Variants in PPCDC observed in about 807,000 individuals in gnomAD.
PPCDC encodes phosphopantothenoylcysteine decarboxylase.
A neutral mutation model predicts 20.7 loss-of-function variants in PPCDC; 20 were observed. That is an observed-to-expected ratio of 0.97 (90% CI 0.68 to 1.41). PPCDC has a LOEUF of 1.41. PPCDC is among the 40% of genes most tolerant of loss of function. The pLI is 0.00. For synonymous variants in PPCDC, 88 were observed against 100.3 expected, an observed-to-expected ratio of 0.88 and a Z score of 0.73; for missense variants, 246 against 263.8, an observed-to-expected ratio of 0.93 and a Z score of 0.47.
intron 2 of PPCDC, among the ~76,000 whole-genome samples, chr15:75,030,716 G>A (rs1217427879): frequency 6.6e-6 from 1 of 152,144 alleles, no homozygotes; most frequent in Non-Finnish European, 1.5e-5. Flanking sequence ...CTGAGTCGTG[G>A]GTTCAGGTGC....
At chr15:75,029,380 G>T (rs1212127503) in intron 2 of PPCDC, among the ~76,000 whole-genome samples, 1 of 152,182 alleles carries the variant, frequency 6.6e-6, no homozygotes, top group African/African-American at 2.4e-5. Context: ...TTGTGAAGTT[G>T]CTGGGCCCCA....
At chr15:75,032,952 T>A (rs2141480590) in intron 2 of PPCDC, among the ~76,000 whole-genome samples, 1 of 152,096 alleles carries the variant, frequency 6.6e-6, no homozygotes, top group East Asian at 1.9e-4. Context: ...AGGCGTGCCA[T>A]CACACTCTGC....
chr15:75,041,166 G>A (rs1383258877), intron 2 of PPCDC, among the ~76,000 whole-genome samples: 1 of 152,182 alleles, frequency 6.6e-6, no homozygotes, highest in African/African-American at 2.4e-5. Context: ...CTTCAGCATG[G>A]CCCCGCCCTG....
chr15:75,025,288 A>G (rs182434594), intron 1 of PPCDC, among the ~76,000 whole-genome samples: 2 of 152,230 alleles, frequency 1.3e-5, no homozygotes, highest in South Asian at 2.1e-4. Flanking sequence ...ATCCCTGCCT[A>G]CCCACCACCC....
chr15:75,024,910 C>CT (rs71140130), intron 1 of PPCDC, among the ~76,000 whole-genome samples: 15,398 of 147,460 alleles, frequency 0.1, 1,449 homozygotes, highest in East Asian at 0.45. Flanking sequence ...TAGCTACACA[C>CT]TTTTTTTTTT....
At chr15:75,037,858 C>T (rs1480079051) in intron 2 of PPCDC, among the ~76,000 whole-genome samples, 1 of 152,112 alleles carries the variant, frequency 6.6e-6, no homozygotes, top group Non-Finnish European at 1.5e-5. Context: ...GGTGATTCAT[C>T]TCCTGTCCTG....
intron 2 of PPCDC, among the ~76,000 whole-genome samples, chr15:75,040,677 G>A (rs1168694745): frequency 6.7e-6 from 1 of 150,242 alleles, no homozygotes; most frequent in African/African-American, 2.5e-5. Context: ...TATTTTTTTT[G>A]GAGTTAGGGT....
intron 2 of PPCDC, among the ~76,000 whole-genome samples, chr15:75,037,071 C>T (rs2066094296): frequency 6.6e-6 from 1 of 152,108 alleles, no homozygotes; most frequent in Non-Finnish European, 1.5e-5. Context: ...AGGACCTAGA[C>T]CTTCAGGAAG....
intron 2 of PPCDC, among the ~76,000 whole-genome samples, chr15:75,040,131 G>C (rs2066135590): frequency 2.0e-5 from 3 of 152,176 alleles, no homozygotes; most frequent in African/African-American, 4.8e-5. Flanking sequence ...CACCCAGGCT[G>C]GAGTGCAGTG....
intron 1 of PPCDC, among the ~76,000 whole-genome samples, chr15:75,025,746 G>A (rs900643554): frequency 5.9e-5 from 9 of 152,126 alleles, no homozygotes; most frequent in Non-Finnish European, 8.8e-5. Context: ...GTGCAAATAG[G>A]TGACTCCAAC....
chr15:75,032,281 G>A (rs1485357704), intron 2 of PPCDC, among the ~76,000 whole-genome samples: 1 of 152,202 alleles, frequency 6.6e-6, no homozygotes, highest in African/African-American at 2.4e-5. Flanking sequence ...AACTCAAGGA[G>A]TCAGCAGGCC....
chr15:75,037,750 TG>T (rs1327144993), intron 2 of PPCDC, among the ~76,000 whole-genome samples: 4 of 152,236 alleles, frequency 2.6e-5, no homozygotes, highest in Non-Finnish European at 5.9e-5. Context: ...TTGTTGTTGT[TG>T]TTGTTTTTAA....
Position 75,024,000 on chromosome 15 carries a change from A to G in PPCDC, c.-73+374A>G, listed in dbSNP as rs142411183. The stretch of plus-strand genomic sequence containing the variant: ...CACTGAACGCTTACCCGGGCTGCCC[A>G]AAGTACAAAGTGTATTTAAAAAGTT... On this transcript the variant is annotated intron_variant, in intron 1 of 5. Coordinates refer to ENST00000342932, the MANE Select transcript of PPCDC (RefSeq NM_021823.5). Among the ~76,000 whole-genome samples the G allele has an allele frequency of 3.1e-3, 479 of 152,354 alleles. 2 individuals are homozygous for G. The highest frequency in any genetic ancestry group is 0.011 in the African/African-American group (460 of 41,582).
At chr15:75,039,745 C>T (rs1459715147) in intron 2 of PPCDC, among the ~76,000 whole-genome samples, 1 of 151,998 alleles carries the variant, frequency 6.6e-6, no homozygotes, top group African/African-American at 2.4e-5. Flanking sequence ...GCTGTTGGTT[C>T]CTCTTCTTTT....
At chr15:75,043,655 T>C in intron 3 of PPCDC, 119 bp downstream of exon 3, 2 of 885,536 alleles carry the variant, frequency 2.3e-6, no homozygotes, top group Non-Finnish European at 3.5e-6. Context: ...AAGTCTGTGG[T>C]CAGGGCCCTC....
chr15:75,028,409 C>T lies in PPCDC; in HGVS notation c.91C>T (p.Leu31=), dbSNP rs760387594. 3.1e-6 allele frequency: 5 copies of T among 1,614,122 alleles called. No homozygotes were observed. The highest frequency in any genetic ancestry group is 4.2e-6 in the Non-Finnish European group (5 of 1,180,050). The change falls in exon 2 of 6, where the codon CTG becomes TTG. Residue 31 remains leucine, a synonymous_variant. Transcript: ENST00000342932. ...LVGVTGSVAA[L]KLPLLVSKLL... Reference sequence around the variant, plus strand: ...GGGTGTCACGGGGAGTGTCGCAGCCCTGAAGTTGCCTCTTCTGGTGTCAAA... The same window carrying T: ...GGGTGTCACGGGGAGTGTCGCAGCCTTGAAGTTGCCTCTTCTGGTGTCAAA...
rs2066295460 is a variant in PPCDC, at chr15:75,050,017, G to C, written c.*782G>C. 1 of 152,204 alleles carries C rather than the reference G, an allele frequency of 6.6e-6. No homozygotes were observed. Among genetic ancestry groups the C allele is most frequent in the Admixed American group, 6.5e-5 (1 of 15,282 alleles). 9.4% of individuals were successfully genotyped at this position (152,204 alleles called of 1,614,324 possible). On this transcript the variant is annotated 3_prime_UTR_variant, in exon 6 of 6. Coordinates refer to ENST00000342932, the MANE Select transcript of PPCDC (RefSeq NM_021823.5). ...GTTATCCTACCCTCAGGGAGTTGTT[G>C]AGAGGATTCAGTGAAATTTTGTGTG... is the stretch of plus-strand genomic sequence containing the variant.
chr15:75,048,322 G>A (rs1462589925), intron 4 of PPCDC, among the ~76,000 whole-genome samples: 3 of 152,186 alleles, frequency 2.0e-5, no homozygotes, highest in East Asian at 1.9e-4. Context: ...AGGTCTGAGC[G>A]TTGGTTGAGC....
chr15:75,048,869 T>G, intron 5 of PPCDC, 148 bp downstream of exon 5: 1 of 1,179,292 alleles, frequency 8.5e-7, no homozygotes, highest in Non-Finnish European at 1.2e-6. Context: ...GAATCGTAAT[T>G]CCTGCCTCCA....
Sources: gnomAD v4.1 joint callset for allele counts (sites outside exome capture counted in the v4.1 genomes callset) on GRCh38, gnomAD v4.1.1 for gene constraint, MANE v1.5 for transcripts, NCBI Gene and HGNC (gene_info 2026-07-23, HGNC 2026-07-21) for gene names.